The following RANBP2 variants were observed in gnomAD, a reference collection of about 807,000 sequenced individuals.
The protein encoded by RANBP2 is RAN binding protein 2, also known as E3 SUMO-protein ligase RanBP2.
RANBP2 carries 57 observed loss-of-function variants against 303.6 expected under a neutral mutation model. The observed-to-expected ratio is 0.19, with a 90% CI of 0.15 to 0.23. The LOEUF is 0.23. Ranked by LOEUF, RANBP2 falls within the 10% of genes least tolerant of loss-of-function variation. The pLI is 1.00. For synonymous variants in RANBP2, 1,167 were observed against 1,301.5 expected (o/e 0.90, Z 2.23); for missense variants, 3,138 against 3,780.8 (o/e 0.83, Z 4.46).
At chr2:109,670,562 A>G in the RANBP2 span, among the ~76,000 whole-genome samples, 1 of 152,072 alleles carries the variant, frequency 6.6e-6, no homozygotes, top group African/African-American at 2.4e-5. Flanking sequence ...GGCAGCAGTG[A>G]CAGCAGTGGC....
chr2:109,121,295 A>G, the RANBP2 span, among the ~76,000 whole-genome samples: 1 of 144,420 alleles, frequency 6.9e-6, no homozygotes, highest in East Asian at 2.1e-4. Context: ...AAAACAAAAC[A>G]AGAAGTGAAG....
the RANBP2 span, among the ~76,000 whole-genome samples, chr2:109,211,068 G>A: frequency 1.3e-5 from 2 of 152,304 alleles, no homozygotes; most frequent in South Asian, 4.1e-4. Flanking sequence ...TGTCTGGTAG[G>A]GAGCACACCT....
chr2:109,197,103 G>A, the RANBP2 span, among the ~76,000 whole-genome samples: 32 of 152,328 alleles, frequency 2.1e-4, no homozygotes, highest in African/African-American at 7.7e-4. Context: ...AGGCAACACA[G>A]CTAGTAGAGG....
the RANBP2 span, among the ~76,000 whole-genome samples, chr2:109,403,696 C>T: frequency 6.6e-6 from 1 of 152,306 alleles, no homozygotes; most frequent in Non-Finnish European, 1.5e-5. Flanking sequence ...GTGCAGGCTC[C>T]CTCTCTCTAG....
the RANBP2 span, among the ~76,000 whole-genome samples, chr2:109,414,415 G>A: frequency 2.0e-5 from 3 of 152,110 alleles, no homozygotes; most frequent in Non-Finnish European, 2.9e-5. Context: ...GTTTCATCTG[G>A]TTTTTCAGTT....
chr2:109,325,083 G>A, the RANBP2 span, among the ~76,000 whole-genome samples: 1 of 152,120 alleles, frequency 6.6e-6, no homozygotes, highest in Non-Finnish European at 1.5e-5. Flanking sequence ...TAGAAGGGAG[G>A]ATGCCATGGC....
the RANBP2 span, among the ~76,000 whole-genome samples, chr2:109,760,980 G>C: frequency 8.3e-5 from 11 of 132,522 alleles, no homozygotes; most frequent in South Asian, 2.3e-3. Flanking sequence ...TCTCCTGTTC[G>C]CCTCCCTCGC....
the RANBP2 span, among the ~76,000 whole-genome samples, chr2:108,868,915 A>T: frequency 6.6e-6 from 1 of 151,798 alleles, no homozygotes; most frequent in African/African-American, 2.4e-5. Flanking sequence ...GAAAAAAATG[A>T]AATTTTTTTC....
chr2:108,923,204 C>T, the RANBP2 span, among the ~76,000 whole-genome samples: 1 of 152,202 alleles, frequency 6.6e-6, no homozygotes, highest in Non-Finnish European at 1.5e-5. Flanking sequence ...AACATCCCTC[C>T]CTTCATAGAC....
chr2:109,291,573 C>T, the RANBP2 span, among the ~76,000 whole-genome samples: 1 of 152,240 alleles, frequency 6.6e-6, no homozygotes, highest in Non-Finnish European at 1.5e-5. Flanking sequence ...GAAGCTCCTG[C>T]CACTGTCCCT....
At chr2:108,797,981 C>G in the RANBP2 span, among the ~76,000 whole-genome samples, 25 of 146,304 alleles carry the variant, frequency 1.7e-4, no homozygotes, top group Non-Finnish European at 2.5e-4. Context: ...TTTTTTTTCT[C>G]CAGTGGTACT....
the RANBP2 span, among the ~76,000 whole-genome samples, chr2:109,590,514 C>T: frequency 3.9e-5 from 6 of 152,162 alleles, 1 homozygote; most frequent in African/African-American, 1.4e-4. Flanking sequence ...TCACTGCAAC[C>T]TCTGCCTCCT....
the RANBP2 span, among the ~76,000 whole-genome samples, chr2:109,621,028 A>G: frequency 6.6e-6 from 1 of 152,238 alleles, no homozygotes; most frequent in African/African-American, 2.4e-5. Context: ...TTCTGTCTCA[A>G]GAAACACTGC....
the RANBP2 span, among the ~76,000 whole-genome samples, chr2:109,126,530 G>T: frequency 6.6e-6 from 1 of 152,182 alleles, no homozygotes; most frequent in Non-Finnish European, 1.5e-5. Context: ...GTGACCACTG[G>T]TCCATACTAG....
the RANBP2 span, among the ~76,000 whole-genome samples, chr2:109,463,252 G>A: frequency 6.6e-6 from 1 of 152,234 alleles, no homozygotes; most frequent in Non-Finnish European, 1.5e-5. Flanking sequence ...GGAATATAAT[G>A]GACTGCCAGT....
the RANBP2 span, among the ~76,000 whole-genome samples, chr2:109,467,324 G>T: frequency 6.6e-6 from 1 of 152,274 alleles, no homozygotes; most frequent in South Asian, 2.1e-4. Context: ...ACCAGCTGCT[G>T]ATACACACAG....
the RANBP2 span, among the ~76,000 whole-genome samples, chr2:109,426,539 G>A: frequency 6.6e-6 from 1 of 152,248 alleles, no homozygotes; most frequent in Non-Finnish European, 1.5e-5. Context: ...AACTTGAACA[G>A]ATGAGGAGTT....
At chr2:109,583,680 T>G in the RANBP2 span, among the ~76,000 whole-genome samples, 1 of 152,170 alleles carries the variant, frequency 6.6e-6, no homozygotes, top group Non-Finnish European at 1.5e-5. Context: ...AAAAGACACA[T>G]GTACTCATAT....
chr2:108,844,033 T>G, the RANBP2 span, among the ~76,000 whole-genome samples: 1 of 151,604 alleles, frequency 6.6e-6, no homozygotes, highest in Non-Finnish European at 1.5e-5. Context: ...GGTTAATTTT[T>G]TTTTGTTTTG....
Sources: allele counts gnomAD v4.1 joint callset (sites outside exome capture counted in the v4.1 genomes callset), GRCh38; gene constraint gnomAD v4.1.1; transcripts MANE v1.5; gene names NCBI Gene and HGNC (gene_info 2026-07-23, HGNC 2026-07-21).